DGKB: variants seen among roughly 807,000 people sequenced by gnomAD.
The protein encoded by DGKB is 90 kDa diacylglycerol kinase.
A neutral mutation model predicts 114.3 loss-of-function variants in DGKB; 67 were observed. The ratio of observed to expected loss-of-function variants is 0.59; its 90% CI spans 0.48 to 0.72. The LOEUF is 0.72. Among genes scored for constraint, DGKB ranks in the 30% least tolerant of loss-of-function variants. The pLI, the probability that DGKB is intolerant of heterozygous loss-of-function variation, is 0.00. For missense variants in DGKB, 907 were observed against 975.2 expected (o/e 0.93, Z 0.93); for synonymous variants, 398 against 323.1 (o/e 1.23, Z -2.49).
intron 1 of DGKB, among the ~76,000 whole-genome samples, chr7:14,964,622 A>C (rs1186074650): frequency 6.6e-6 from 1 of 152,198 alleles, no homozygotes; most frequent in Non-Finnish European, 1.5e-5. Flanking sequence ...ACTAGAATTT[A>C]ATCTATCATA....
At chr7:14,508,045 C>T (rs987328923) in intron 20 of DGKB, among the ~76,000 whole-genome samples, 1 of 152,150 alleles carries the variant, frequency 6.6e-6, no homozygotes, top group Admixed American at 6.5e-5. Flanking sequence ...AGTCTTTCGT[C>T]TTTACCCAGA....
At chr7:14,899,121 T>C (rs946146716) in intron 1 of DGKB, among the ~76,000 whole-genome samples, 30 of 152,178 alleles carry the variant, frequency 2.0e-4, no homozygotes, top group African/African-American at 7.2e-4. Flanking sequence ...ACAGTAATCA[T>C]GTTAGTCTCT....
At chr7:14,486,752 A>C (rs1003970511) in intron 20 of DGKB, among the ~76,000 whole-genome samples, 1 of 152,212 alleles carries the variant, frequency 6.6e-6, no homozygotes, top group Non-Finnish European at 1.5e-5. Context: ...TTCAATGCTT[A>C]TGGTAGAATG....
chr7:14,278,793 ACAACT>A (rs1481988273), intron 23 of DGKB, among the ~76,000 whole-genome samples: 1 of 152,164 alleles, frequency 6.6e-6, no homozygotes, highest in Non-Finnish European at 1.5e-5. Context: ...AGGAACACAA[ACAACT>A]CAATAGGAAG....
intron 21 of DGKB, among the ~76,000 whole-genome samples, chr7:14,468,094 A>C (rs1563249419): frequency 6.6e-6 from 1 of 152,188 alleles, no homozygotes; most frequent in Non-Finnish European, 1.5e-5. Context: ...ATTAGAAATT[A>C]AGTATTTAAA....
chr7:14,598,221 T>C (rs118158647), intron 17 of DGKB, among the ~76,000 whole-genome samples: 5,389 of 152,266 alleles, frequency 0.035, 191 homozygotes, highest in Admixed American at 0.12. Flanking sequence ...ATTTAAAACA[T>C]TCTGATCACT....
At chr7:14,369,066 C>T (rs1583452686) in intron 21 of DGKB, among the ~76,000 whole-genome samples, 1 of 152,064 alleles carries the variant, frequency 6.6e-6, no homozygotes, top group African/African-American at 2.4e-5. Context: ...TGCTATCCCT[C>T]CCCTAGCACC....
intron 1 of DGKB, among the ~76,000 whole-genome samples, chr7:14,911,935 A>T (rs1326100754): frequency 6.6e-6 from 1 of 152,218 alleles, no homozygotes; most frequent in East Asian, 1.9e-4. Context: ...AGAAAAAAGG[A>T]AAGTCTGGCT....
chr7:14,862,673 C>T (rs776519584), intron 1 of DGKB, among the ~76,000 whole-genome samples: 3 of 152,116 alleles, frequency 2.0e-5, no homozygotes, highest in Non-Finnish European at 4.4e-5. Context: ...CCCTTATATA[C>T]GGACTAAATG....
intron 2 of DGKB, among the ~76,000 whole-genome samples, chr7:14,802,850 A>G (rs892639255): frequency 2.2e-4 from 33 of 152,250 alleles, no homozygotes; most frequent in African/African-American, 7.5e-4. Context: ...TTATACGTTT[A>G]CTGCATATTT....
chr7:14,880,375 T>TG (rs1330952665), intron 1 of DGKB, among the ~76,000 whole-genome samples: 79 of 152,252 alleles, frequency 5.2e-4, no homozygotes, highest in African/African-American at 1.8e-3. Context: ...GAAGAATTGC[T>TG]TGAACCTGGG....
chr7:14,193,885 A>C (rs1400467647), intron 23 of DGKB, among the ~76,000 whole-genome samples: 2 of 152,184 alleles, frequency 1.3e-5, no homozygotes, highest in East Asian at 1.9e-4. Flanking sequence ...AAATGGGCAA[A>C]AGACTTTAAT....
intron 21 of DGKB, among the ~76,000 whole-genome samples, chr7:14,377,182 A>G (rs182504382): frequency 9.8e-5 from 15 of 152,302 alleles, no homozygotes; most frequent in African/African-American, 3.6e-4. Context: ...CCCACAGTGC[A>G]GAATTGTTTC....
intron 25 of DGKB, among the ~76,000 whole-genome samples, chr7:14,164,843 C>A (rs750345636): frequency 7.9e-5 from 12 of 152,110 alleles, no homozygotes; most frequent in Non-Finnish European, 1.3e-4. Context: ...TATAACAATA[C>A]TTAATATATA....
At chr7:14,459,304 T>C (rs1366351673) in intron 21 of DGKB, among the ~76,000 whole-genome samples, 4 of 152,102 alleles carry the variant, frequency 2.6e-5, no homozygotes, top group Non-Finnish European at 5.9e-5. Flanking sequence ...TCCTGCTTGC[T>C]GGCTCTGAAG....
intron 16 of DGKB, among the ~76,000 whole-genome samples, chr7:14,612,347 T>C (rs983010551): frequency 1.3e-5 from 2 of 151,778 alleles, no homozygotes; most frequent in African/African-American, 4.8e-5. Flanking sequence ...TTTTTTCGTA[T>C]TTTAGTAGAG....
intron 23 of DGKB, among the ~76,000 whole-genome samples, chr7:14,190,213 C>T (rs1313659728): frequency 1.3e-5 from 2 of 152,036 alleles, no homozygotes; most frequent in South Asian, 2.1e-4. Context: ...CCATTATGGT[C>T]TAAACTAGAA....
intron 25 of DGKB, among the ~76,000 whole-genome samples, chr7:14,149,659 T>G (rs985607348): frequency 2.6e-5 from 4 of 152,132 alleles, no homozygotes; most frequent in Admixed American, 1.3e-4. Context: ...AATATCAAGA[T>G]GTACTTGGTA....
In DGKB at chr7:14,400,603, A is replaced by G. The variant is rs188226268; in HGVS notation, c.1836-55212T>C. Among the ~76,000 whole-genome samples the G allele has an allele frequency of 1.2e-4, 18 of 151,770 alleles. No individual in the cohort carries two copies. The East Asian group carries it at 2.7e-3, about 23-fold the overall frequency. Reference sequence around the variant, plus strand: ...TACATTCAAACTTTTTTTTATTTCCAGTATTTAATGGAGATCAAAACATTA... The same window carrying G: ...TACATTCAAACTTTTTTTTATTTCCGGTATTTAATGGAGATCAAAACATTA... On this transcript the variant is annotated intron_variant, in intron 21 of 25. Transcript: ENST00000402815.
Sources: allele counts gnomAD v4.1 joint callset (sites outside exome capture counted in the v4.1 genomes callset), GRCh38; gene constraint gnomAD v4.1.1; transcripts MANE v1.5; gene names NCBI Gene and HGNC (gene_info 2026-07-23, HGNC 2026-07-21).